Variants in COQ5 observed in about 807,000 individuals in gnomAD.
The protein encoded by COQ5 is coenzyme Q5, methyltransferase, also known as 2-methoxy-6-polyprenyl-1,4-benzoquinol methylase, mitochondrial.
A neutral mutation model predicts 40.5 loss-of-function variants in COQ5; 27 were observed. The ratio of observed to expected loss-of-function variants is 0.67; its 90% CI spans 0.49 to 0.92. The LOEUF (loss-of-function observed/expected upper bound fraction) is 0.92. Among genes scored for constraint, COQ5 ranks in the 40% least tolerant of loss-of-function variants. COQ5 has a pLI of 0.00. For missense variants in COQ5, 409 were observed against 406.4 expected, an observed-to-expected ratio of 1.01 and a Z score of -0.06; for synonymous variants, 141 against 150.0, an observed-to-expected ratio of 0.94 and a Z score of 0.44.
At chr12:120,514,636 G>A (rs996063430) in intron 3 of COQ5, among the ~76,000 whole-genome samples, 2 of 151,668 alleles carry the variant, frequency 1.3e-5, no homozygotes, top group Admixed American at 6.6e-5. Context: ...CCAGCTACTC[G>A]GGAGGCTGAG....
chr12:120,522,121 C>T (rs1167696), intron 2 of COQ5, 93 bp downstream of exon 2: 416,349 of 1,302,218 alleles, frequency 0.32, 69,671 homozygotes, highest in Admixed American at 0.42. Flanking sequence ...CACCATCTTC[C>T]GCCTCGTGTT....
intron 3 of COQ5, among the ~76,000 whole-genome samples, chr12:120,515,314 T>G (rs966723486): frequency 6.6e-6 from 1 of 151,894 alleles, no homozygotes; most frequent in African/African-American, 2.4e-5. Flanking sequence ...GGTCTTGAAC[T>G]CCTGGCTTCA....
Position 120,522,782 on chromosome 12 carries a change from A to C in COQ5, c.203-419T>G. The C allele has an allele frequency of 4.5e-6, 3 of 662,946 alleles. No homozygotes were observed. The South Asian group carries it at 5.4e-5, about 12-fold the overall frequency. The allele number at this position is 662,946 out of a possible 1,614,324, so 41.1% of individuals were successfully genotyped here. A position where few individuals can be genotyped will look rare whatever the true frequency, so the allele number is the denominator to read the frequency against. On this transcript the variant is annotated intron_variant, in intron 1 of 6. Coordinates refer to ENST00000288532, the MANE Select transcript of COQ5 (RefSeq NM_032314.4). ...CCGACATAGCTTGAGCCCCTTGGCA[A>C]TGCAGGAATGAGCACATTTCCCAAG... is the stretch of plus-strand genomic sequence containing the variant.
At chr12:120,510,162 G>A (rs373722232) in intron 3 of COQ5, 39 bp from the exon 4 acceptor site, 176 of 1,509,914 alleles carry the variant, frequency 1.2e-4, no homozygotes, top group Non-Finnish European at 1.5e-4. Flanking sequence ...AGTGTGGGTA[G>A]CTGTTTTTCC....
At chr12:120,524,050 C>T (rs1222870544) in intron 1 of COQ5, 1 of 286,552 alleles carries the variant, frequency 3.5e-6, no homozygotes, top group Non-Finnish European at 7.2e-6. Flanking sequence ...GAAGGAAAGA[C>T]CTCGGCTCAT....
chr12:120,519,331 G>A (rs1213096538), intron 2 of COQ5, among the ~76,000 whole-genome samples: 1 of 152,128 alleles, frequency 6.6e-6, no homozygotes, highest in Non-Finnish European at 1.5e-5. Context: ...GGCCAAGGTG[G>A]GCGGATCACC....
chr12:120,522,175 A>G lies in COQ5; in HGVS notation c.352+39T>C, dbSNP rs774739712. 8.1e-6 allele frequency: 13 copies of G among 1,611,794 alleles called. No individual in the cohort carries two copies. In the Admixed American group the frequency reaches 1.2e-4, roughly 14 times the overall value. On this transcript the variant is annotated intron_variant, in intron 2 of 6. Transcript: ENST00000288532. ...CAAGAGAGACTAATTTCTGTAAAACATGCTCAATGGTAGTGAAGGATACCA... is the reference window on the plus strand; with the variant it reads ...CAAGAGAGACTAATTTCTGTAAAACGTGCTCAATGGTAGTGAAGGATACCA...
chr12:120,510,313 A>G (rs570352709), intron 3 of COQ5, among the ~76,000 whole-genome samples, 190 bp from the exon 4 acceptor site: 11 of 151,922 alleles, frequency 7.2e-5, no homozygotes, highest in African/African-American at 2.7e-4. Flanking sequence ...TTAATCAATC[A>G]TTATTATTTT....
chr12:120,505,660 G>T (rs1868848233), intron 4 of COQ5, among the ~76,000 whole-genome samples: 1 of 151,852 alleles, frequency 6.6e-6, no homozygotes, highest in South Asian at 2.1e-4. Flanking sequence ...AGGTTGAAGC[G>T]ATTTTCCTGC....
chr12:120,517,534 T>C (rs1869436038), intron 2 of COQ5, among the ~76,000 whole-genome samples: 1 of 144,392 alleles, frequency 6.9e-6, no homozygotes, highest in Non-Finnish European at 1.5e-5. Context: ...AAAAAAAAAT[T>C]AGCCAGGCGT....
intron 3 of COQ5, among the ~76,000 whole-genome samples, chr12:120,511,206 G>C (rs566235814): frequency 1.3e-5 from 2 of 150,384 alleles, no homozygotes; most frequent in East Asian, 3.9e-4. Flanking sequence ...GCAGTGAGCT[G>C]AGATCGCGCC....
At chr12:120,507,431 C>T (rs71454645) in intron 4 of COQ5, among the ~76,000 whole-genome samples, 39,074 of 150,740 alleles carry the variant, frequency 0.26, 5,906 homozygotes, top group East Asian at 0.5. Flanking sequence ...ACTATAGGCA[C>T]GCGCCACCAC....
chr12:120,528,391 T>G (rs60347435), intron 1 of COQ5, among the ~76,000 whole-genome samples: 4,727 of 152,194 alleles, frequency 0.031, 241 homozygotes, highest in African/African-American at 0.11. Context: ...TCACGTGTAA[T>G]ATGGTAATAA....
intron 1 of COQ5, chr12:120,523,331 C>T (rs187837301): frequency 9.3e-4 from 288 of 309,610 alleles, no homozygotes; most frequent in African/African-American, 5.8e-3. Flanking sequence ...AGCGAGACTC[C>T]GTCTCAAAGA....
intron 1 of COQ5, chr12:120,522,618 G>A (rs908555812): frequency 3.1e-6 from 2 of 650,692 alleles, no homozygotes; most frequent in African/African-American, 1.8e-5. Flanking sequence ...GTCCAGGGGG[G>A]TCACACCAGT....
intron 1 of COQ5, 137 bp from the exon 2 acceptor site, chr12:120,522,500 C>A: frequency 1.3e-6 from 1 of 787,564 alleles, no homozygotes; most frequent in Non-Finnish European, 2.2e-6. Flanking sequence ...ATGCTTGATG[C>A]CCAAATCTAC....
intron 3 of COQ5, among the ~76,000 whole-genome samples, chr12:120,515,701 C>T (rs1869347919): frequency 6.6e-6 from 1 of 152,160 alleles, no homozygotes; most frequent in Admixed American, 6.6e-5. Context: ...AAAGGCTCAG[C>T]CTACCCAATA....
intron 1 of COQ5, chr12:120,526,430 A>G (rs953460901): frequency 2.2e-6 from 1 of 455,364 alleles, no homozygotes; most frequent in Non-Finnish European, 4.4e-6. Context: ...ACATACAGCC[A>G]GAGGAACTGC....
chr12:120,524,060 T>C (rs1321164806), intron 1 of COQ5: 1 of 274,372 alleles, frequency 3.6e-6, no homozygotes, highest in South Asian at 2.8e-5. Context: ...CCTCGGCTCA[T>C]GTCTGCCTGT....
Sources: allele counts gnomAD v4.1 joint callset (sites outside exome capture counted in the v4.1 genomes callset), GRCh38; gene constraint gnomAD v4.1.1; transcripts MANE v1.5; gene names NCBI Gene and HGNC (gene_info 2026-07-23, HGNC 2026-07-21).